Variants in ADAMTS16 observed in about 807,000 individuals in gnomAD.
ADAMTS16 encodes A disintegrin and metalloproteinase with thrombospondin motifs 16.
A neutral mutation model predicts 145.8 loss-of-function variants in ADAMTS16; 94 were observed. The ratio of observed to expected loss-of-function variants is 0.64; its 90% CI spans 0.55 to 0.77. The LOEUF is 0.77. ADAMTS16 is among the 30% of genes least tolerant of loss of function. ADAMTS16 has a pLI of 0.00. For missense variants in ADAMTS16, 1,585 were observed against 1,591.5 expected, an observed-to-expected ratio of 1.00 and a Z score of 0.07; for synonymous variants, 659 against 604.3, an observed-to-expected ratio of 1.09 and a Z score of -1.33.
At chr5:5,229,457 T>C (rs953701101) in intron 11 of ADAMTS16, among the ~76,000 whole-genome samples, 1 of 152,190 alleles carries the variant, frequency 6.6e-6, no homozygotes, top group Admixed American at 6.5e-5. Flanking sequence ...TTCGGTGTAC[T>C]CTGGTGGCAA....
intron 13 of ADAMTS16, 85 bp from the exon 14 acceptor site, chr5:5,236,884 G>T: frequency 6.8e-7 from 1 of 1,478,600 alleles, no homozygotes; most frequent in Non-Finnish European, 9.0e-7. Context: ...GGGGAAGAAA[G>T]AAAGTCTATC....
At chr5:5,196,459 A>T (rs1735807151) in intron 8 of ADAMTS16, among the ~76,000 whole-genome samples, 1 of 152,104 alleles carries the variant, frequency 6.6e-6, no homozygotes, top group South Asian at 2.1e-4. Context: ...CTTGAAGAAT[A>T]TTGGAGAAAG....
chr5:5,170,090 G>A (rs536090364), intron 3 of ADAMTS16, among the ~76,000 whole-genome samples: 2 of 152,222 alleles, frequency 1.3e-5, no homozygotes, highest in South Asian at 4.2e-4. Flanking sequence ...GAATCCTATG[G>A]TAGCTCTATT....
chr5:5,279,954 T>G (rs1461686699), intron 18 of ADAMTS16, among the ~76,000 whole-genome samples: 2 of 142,240 alleles, frequency 1.4e-5, no homozygotes, highest in African/African-American at 5.0e-5. Flanking sequence ...TTTTCCTTCC[T>G]TCCTTCTTTC....
At chr5:5,305,126 A>C (rs1228999373) in intron 20 of ADAMTS16, among the ~76,000 whole-genome samples, 2 of 37,012 alleles carry the variant, frequency 5.4e-5, no homozygotes, top group Admixed American at 2.6e-4. Flanking sequence ...CACACACCCC[A>C]CACCACACAC....
intron 17 of ADAMTS16, among the ~76,000 whole-genome samples, chr5:5,247,362 C>G (rs1211449272): frequency 6.6e-6 from 1 of 152,100 alleles, no homozygotes; most frequent in African/African-American, 2.4e-5. Context: ...CCCCCCGCCC[C>G]CCGATCCCAA....
chr5:5,190,231 A>T, intron 7 of ADAMTS16, 101 bp downstream of exon 7: 1 of 1,296,654 alleles, frequency 7.7e-7, no homozygotes, highest in Non-Finnish European at 1.0e-6. Context: ...GTTAATAAGC[A>T]GTAGCAGCTT....
chr5:5,243,124 G>A (rs1737346340), intron 17 of ADAMTS16, among the ~76,000 whole-genome samples: 2 of 152,150 alleles, frequency 1.3e-5, no homozygotes, highest in Non-Finnish European at 2.9e-5. Context: ...TAAATAAGGT[G>A]AAGAAACTAA....
chr5:5,306,419 A>T, intron 20 of ADAMTS16, 85 bp from the exon 21 acceptor site: 1 of 1,158,764 alleles, frequency 8.6e-7, no homozygotes, highest in Non-Finnish European at 1.3e-6. Context: ...TAAATGTTCA[A>T]GCAGATATCT....
At chr5:5,234,037 G>A (rs1737018939) in intron 12 of ADAMTS16, among the ~76,000 whole-genome samples, 1 of 152,178 alleles carries the variant, frequency 6.6e-6, no homozygotes, top group Admixed American at 6.5e-5. Flanking sequence ...TAGCCATTCT[G>A]ACTGGTGTTT....
chr5:5,300,949 G>GAT (rs1265966911), intron 18 of ADAMTS16, among the ~76,000 whole-genome samples: 1 of 152,158 alleles, frequency 6.6e-6, no homozygotes, highest in Non-Finnish European at 1.5e-5. Context: ...TTCTTACTTA[G>GAT]ATATCTGTAT....
At chr5:5,186,017 G>C in intron 4 of ADAMTS16, 35 bp from the exon 5 acceptor site, 6 of 1,572,698 alleles carry the variant, frequency 3.8e-6, no homozygotes, top group Non-Finnish European at 4.3e-6. Context: ...TGTGTGACTT[G>C]TGCTTCCATT....
At chr5:5,244,144 A>T (rs538951822) in intron 17 of ADAMTS16, among the ~76,000 whole-genome samples, 1 of 152,272 alleles carries the variant, frequency 6.6e-6, no homozygotes, top group African/African-American at 2.4e-5. Flanking sequence ...AAGACTCAGA[A>T]CCTAATCAAG....
chr5:5,257,706 A>G (rs745873193), intron 17 of ADAMTS16, among the ~76,000 whole-genome samples: 15 of 152,186 alleles, frequency 9.9e-5, no homozygotes, highest in Non-Finnish European at 1.5e-4. Context: ...CAGTTCTCCA[A>G]TTCTCTAGAT....
At chr5:5,173,459 T>A (rs1480157278) in intron 3 of ADAMTS16, among the ~76,000 whole-genome samples, 2 of 151,930 alleles carry the variant, frequency 1.3e-5, no homozygotes, top group East Asian at 3.9e-4. Context: ...GCAAATAATA[T>A]CTTATAACTC....
rs542342691 is a variant in ADAMTS16, at chr5:5,259,222, G to A, written c.2663-3435G>A. 4.6e-5 allele frequency among the ~76,000 whole-genome samples: 7 copies of A among 152,324 alleles called. No homozygotes were observed. The South Asian group carries it at 1.4e-3, about 32-fold the overall frequency. Reference sequence around the variant, plus strand: ...TACTGTGAATCCTGTACACACCTGTGCATGTCTCTGGCCTGCTGAGTCCCA... The same window carrying A: ...TACTGTGAATCCTGTACACACCTGTACATGTCTCTGGCCTGCTGAGTCCCA... On this transcript the variant is annotated intron_variant, in intron 17 of 22. Coordinates refer to ENST00000274181, the MANE Select transcript of ADAMTS16 (RefSeq NM_139056.4).
intron 14 of ADAMTS16, among the ~76,000 whole-genome samples, chr5:5,237,390 A>C (rs576242555): frequency 6.6e-6 from 1 of 152,156 alleles, no homozygotes; most frequent in Non-Finnish European, 1.5e-5. Context: ...TAGATCTGAA[A>C]GGGTGAGTTG....
intron 3 of ADAMTS16, 126 bp from the exon 4 acceptor site, chr5:5,181,918 C>T (rs931837862): frequency 4.1e-5 from 45 of 1,104,476 alleles, no homozygotes; most frequent in East Asian, 2.2e-4. Context: ...TTCCAATGTT[C>T]GCTCTCACTG....
At chr5:5,281,779 T>C (rs1285259342) in intron 18 of ADAMTS16, among the ~76,000 whole-genome samples, 1 of 152,242 alleles carries the variant, frequency 6.6e-6, no homozygotes, top group Non-Finnish European at 1.5e-5. Context: ...AGGCAATGAA[T>C]GTAAATGACT....
Sources: gnomAD v4.1 joint callset for allele counts (sites outside exome capture counted in the v4.1 genomes callset) on GRCh38, gnomAD v4.1.1 for gene constraint, MANE v1.5 for transcripts, NCBI Gene and HGNC (gene_info 2026-07-23, HGNC 2026-07-21) for gene names.